Variants in LRFN5 observed in about 807,000 individuals in gnomAD.
LRFN5 encodes leucine rich repeat and fibronectin type III domain containing 5, also known as leucine-rich repeat and fibronectin type-III domain-containing protein 5.
LRFN5 carries 24 observed loss-of-function variants against 45.6 expected under a neutral mutation model. The ratio of observed to expected loss-of-function variants is 0.53; its 90% CI spans 0.38 to 0.74. The LOEUF (loss-of-function observed/expected upper bound fraction) is 0.74. Ranked by LOEUF, LRFN5 falls within the 30% of genes least tolerant of loss-of-function variation. The pLI is 0.00. For synonymous variants in LRFN5, 340 were observed against 313.8 expected, an observed-to-expected ratio of 1.08 and a Z score of -0.88; for missense variants, 776 against 861.5, an observed-to-expected ratio of 0.90 and a Z score of 1.24.
chr14:41,864,904 A>G (rs947127506), intron 2 of LRFN5, among the ~76,000 whole-genome samples: 3 of 151,820 alleles, frequency 2.0e-5, no homozygotes, highest in Admixed American at 6.6e-5. Context: ...CTTATTTTAT[A>G]TGATTTTATA....
chr14:41,809,014 C>T (rs1045369768), intron 2 of LRFN5, among the ~76,000 whole-genome samples: 40 of 152,070 alleles, frequency 2.6e-4, no homozygotes, highest in African/African-American at 8.2e-4. Flanking sequence ...CAGAAATATG[C>T]CTGCTGTTGA....
At position 41,886,803 on chromosome 14, in the gene LRFN5, G is replaced by A; in HGVS notation, c.178G>A (p.Asp60Asn). The A allele has an allele frequency of 6.2e-7, 1 of 1,614,028 alleles. No homozygotes were observed. Among genetic ancestry groups the A allele is most frequent in the African/African-American group, 1.3e-5 (1 of 75,016 alleles). ...DRRTVELRLA[D>N]NFVTNIKRKD... ...AAGAACTGTGGAACTGCGGTTGGCA[G>A]ACAATTTTGTTACAAATATTAAAAG... Residue 60 changes from aspartate (D) to asparagine (N), a missense_variant, in exon 3 of 6, where the codon GAC (aspartate) becomes AAC (asparagine). Around this residue, in one of 2 missense-constraint regions of LRFN5, gnomAD observed 311 missense variants for 405.1 expected, o/e 0.77. Coordinates refer to ENST00000298119, the MANE Select transcript of LRFN5 (RefSeq NM_152447.5).
chr14:41,761,137 G>A (rs1019045968), intron 1 of LRFN5, among the ~76,000 whole-genome samples: 1 of 152,108 alleles, frequency 6.6e-6, no homozygotes, highest in Non-Finnish European at 1.5e-5. Context: ...TTGTGTGCAT[G>A]TATGTAATAT....
rs189642254 is a variant in LRFN5 at position 41,741,262 on chromosome 14, A to G, written c.-196-25592A>G. Among the ~76,000 whole-genome samples, 154 of 151,912 alleles carry G rather than the reference A, an allele frequency of 1.0e-3. 2 individuals carry two copies. Among genetic ancestry groups the G allele is most frequent in the African/African-American group, 2.9e-3 (122 of 41,588 alleles). ...GAATAGCTGAAGCAATTGAGCAAAA[A>G]GAATGAAGTAGGAGGTATCAAATTT... On this transcript the variant is annotated intron_variant, in intron 1 of 5. Transcript: ENST00000298119.
At chr14:41,855,693 T>A (rs1042281897) in intron 2 of LRFN5, among the ~76,000 whole-genome samples, 2 of 149,376 alleles carry the variant, frequency 1.3e-5, no homozygotes, top group East Asian at 1.9e-4. Context: ...GCAAGCTGAA[T>A]AAACATTTGA....
chr14:41,880,155 C>G (rs1890329466), intron 2 of LRFN5, among the ~76,000 whole-genome samples: 1 of 151,632 alleles, frequency 6.6e-6, no homozygotes, highest in East Asian at 1.9e-4. Flanking sequence ...TCTCGATCTC[C>G]TGACCTCGTG....
intron 1 of LRFN5, among the ~76,000 whole-genome samples, chr14:41,609,695 G>A (rs1278154144): frequency 6.6e-6 from 1 of 152,188 alleles, no homozygotes. Context: ...ACTAAGGAGT[G>A]TTCGTTTGTC....
At chr14:41,756,840 T>G (rs1159650258) in intron 1 of LRFN5, among the ~76,000 whole-genome samples, 1 of 152,224 alleles carries the variant, frequency 6.6e-6, no homozygotes, top group Non-Finnish European at 1.5e-5. Context: ...GCTCTGATTT[T>G]TAGAGTTTCC....
intron 2 of LRFN5, among the ~76,000 whole-genome samples, chr14:41,883,605 A>C (rs1890463345): frequency 2.0e-5 from 3 of 152,166 alleles, no homozygotes; most frequent in African/African-American, 7.2e-5. Flanking sequence ...TTCATGGAGC[A>C]CTTTAAAGAT....
chr14:41,620,177 C>G (rs759926842), intron 1 of LRFN5, among the ~76,000 whole-genome samples: 1 of 151,878 alleles, frequency 6.6e-6, no homozygotes, highest in Non-Finnish European at 1.5e-5. Flanking sequence ...CAGTAAATTT[C>G]CTTAAAGATT....
At chr14:41,895,468 A>C (rs966007847) in intron 4 of LRFN5, among the ~76,000 whole-genome samples, 4 of 151,964 alleles carry the variant, frequency 2.6e-5, no homozygotes, top group Admixed American at 2.0e-4. Flanking sequence ...TAGTAAAAAC[A>C]CAAAAAAATT....
At chr14:41,743,176 T>C (rs973747208) in intron 1 of LRFN5, among the ~76,000 whole-genome samples, 3 of 152,190 alleles carry the variant, frequency 2.0e-5, no homozygotes, top group African/African-American at 4.8e-5. Flanking sequence ...TTTGATTTCA[T>C]TGAAACATTT....
intron 1 of LRFN5, among the ~76,000 whole-genome samples, chr14:41,655,795 A>G (rs955140638): frequency 1.3e-5 from 2 of 151,942 alleles, no homozygotes; most frequent in Non-Finnish European, 2.9e-5. Flanking sequence ...GATGGGTTAG[A>G]CGTAGAGTGC....
chr14:41,831,098 AT>A (rs1371477635), intron 2 of LRFN5, among the ~76,000 whole-genome samples: 1 of 152,202 alleles, frequency 6.6e-6, no homozygotes, highest in African/African-American at 2.4e-5. Context: ...TCATCTGTTT[AT>A]TTTGAATAAA....
At chr14:41,892,172 A>G (rs111413149) in intron 4 of LRFN5, 1 of 985,370 alleles carries the variant, frequency 1.0e-6, no homozygotes, top group Non-Finnish European at 1.2e-6. Flanking sequence ...CTGAGGGACT[A>G]CTGGAAAGCT....
intron 4 of LRFN5, chr14:41,893,841 A>G (rs1890859160): frequency 3.0e-6 from 3 of 985,214 alleles, no homozygotes; most frequent in East Asian, 1.1e-4. Flanking sequence ...TTTACTTTTC[A>G]CATTTGCAAA....
At chr14:41,761,591 T>C (rs1885672639) in intron 1 of LRFN5, among the ~76,000 whole-genome samples, 1 of 152,082 alleles carries the variant, frequency 6.6e-6, no homozygotes, top group African/African-American at 2.4e-5. Context: ...GACATTTACA[T>C]TGTCAGAGCA....
intron 1 of LRFN5, among the ~76,000 whole-genome samples, chr14:41,617,563 G>A (rs1270947779): frequency 6.6e-6 from 1 of 151,912 alleles, no homozygotes; most frequent in African/African-American, 2.4e-5. Flanking sequence ...AGTTTCTCAT[G>A]TGCTTTTGGT....
intron 1 of LRFN5, among the ~76,000 whole-genome samples, chr14:41,756,910 G>C (rs1396352556): frequency 1.3e-5 from 2 of 152,112 alleles, no homozygotes; most frequent in Non-Finnish European, 2.9e-5. Context: ...GGTCTTTGAT[G>C]ATGGTGACGT....
Sources: allele counts gnomAD v4.1 joint callset (sites outside exome capture counted in the v4.1 genomes callset), GRCh38; gene constraint gnomAD v4.1.1; regional missense constraint gnomAD v4.1.1; transcripts MANE v1.5; gene names NCBI Gene and HGNC (gene_info 2026-07-23, HGNC 2026-07-21).